LRRC2: variants seen among roughly 807,000 people sequenced by gnomAD.
LRRC2 encodes leucine-rich repeat-containing protein 2.
Under a neutral mutation model 40.2 loss-of-function variants are expected in LRRC2, and 27 were observed. The observed-to-expected ratio is 0.67, with a 90% CI of 0.49 to 0.93. The LOEUF (loss-of-function observed/expected upper bound fraction) is 0.93. Ranked by LOEUF, LRRC2 falls within the 40% of genes least tolerant of loss-of-function variation. LRRC2 has a pLI of 0.00. For synonymous variants in LRRC2, 147 were observed against 158.9 expected (o/e 0.92, Z 0.56); for missense variants, 402 against 439.6 (o/e 0.91, Z 0.76).
chr3:46,534,462 TTC>T (rs763240129), intron 4 of LRRC2, among the ~76,000 whole-genome samples: 1 of 151,128 alleles, frequency 6.6e-6, no homozygotes, highest in Non-Finnish European at 1.5e-5. Context: ...CTTTCTTTCT[TTC>T]TTTCTTTGTT....
intron 7 of LRRC2, among the ~76,000 whole-genome samples, chr3:46,525,086 C>CTTTTTT (rs11284933): frequency 8.5e-6 from 1 of 117,572 alleles, no homozygotes; most frequent in Admixed American, 9.3e-5. Flanking sequence ...CTTTTTTTTT[C>CTTTTTT]TTTTTTTTTT....
At position 46,521,675 on chromosome 3, in the gene LRRC2, G is replaced by A. The variant is rs1272821456; in HGVS notation, c.930-17C>T. ...CTTACAAATCTATTCGAGAAAGCAT[G>A]GGAAGTATCACATTATCACCTGTGC... On this transcript the variant is annotated splice_polypyrimidine_tract_variant and intron_variant, in intron 7 of 8. Transcript: ENST00000395905. The A allele has an allele frequency of 3.7e-6, 6 of 1,601,628 alleles. No homozygotes were observed. In the South Asian group the frequency reaches 6.7e-5, roughly 18 times the overall value.
Position 46,518,189 on chromosome 3 carries a change from C to T in LRRC2, c.*825G>A, listed in dbSNP as rs1435604092. 1.3e-5 allele frequency: 2 copies of T among 152,146 alleles called. No homozygotes were observed. The highest frequency in any genetic ancestry group is 6.5e-5 in the Admixed American group (1 of 15,288). 9.4% of individuals were successfully genotyped at this position (152,146 alleles called of 1,614,324 possible). On this transcript the variant is annotated 3_prime_UTR_variant, in exon 9 of 9. Coordinates refer to ENST00000395905, the MANE Select transcript of LRRC2 (RefSeq NM_024512.5). ...AGGCCTAGATTGTACCTACAAGTCT[C>T]TCCTGGGAGTCTACACTTGCCAAAA...
intron 4 of LRRC2, 27 bp from the exon 5 acceptor site, chr3:46,532,936 T>C (rs1559411477): frequency 6.2e-7 from 1 of 1,610,270 alleles, no homozygotes. Context: ...TTAACATCCA[T>C]TGAATAGGTC....
At chr3:46,549,223 G>A (rs1470225034) in intron 2 of LRRC2, among the ~76,000 whole-genome samples, 1 of 152,188 alleles carries the variant, frequency 6.6e-6, no homozygotes, top group Non-Finnish European at 1.5e-5. Context: ...TAACCAAATA[G>A]TTGCCTTTTA....
intron 1 of LRRC2, among the ~76,000 whole-genome samples, chr3:46,556,299 A>T (rs1046605127): frequency 3.3e-5 from 5 of 151,824 alleles, no homozygotes; most frequent in African/African-American, 9.7e-5. Flanking sequence ...TTTTTAAAAA[A>T]ATATTTTTGC....
chr3:46,537,458 T>A (rs1704292024), intron 4 of LRRC2, among the ~76,000 whole-genome samples: 1 of 152,188 alleles, frequency 6.6e-6, no homozygotes, highest in Non-Finnish European at 1.5e-5. Context: ...TATTTAAATA[T>A]ACCATGAGCT....
At chr3:46,550,098 G>A (rs1412948701) in intron 2 of LRRC2, among the ~76,000 whole-genome samples, 2 of 152,146 alleles carry the variant, frequency 1.3e-5, no homozygotes, top group African/African-American at 4.8e-5. Flanking sequence ...CAGATTAGTG[G>A]CAAGAGAAAA....
At chr3:46,564,419 G>T (rs1013619010) in intron 1 of LRRC2, among the ~76,000 whole-genome samples, 2 of 151,920 alleles carry the variant, frequency 1.3e-5, no homozygotes, top group African/African-American at 4.9e-5. Flanking sequence ...TATGCCAGGG[G>T]GAGGGGGGGT....
chr3:46,534,415 CCTTCCTTCCTTT>C (rs1704229796), intron 4 of LRRC2, among the ~76,000 whole-genome samples: 2 of 79,356 alleles, frequency 2.5e-5, no homozygotes, highest in South Asian at 6.1e-4. Flanking sequence ...CTTTTCTTTT[CCTTCCTTCCTTT>C]CTTTCTTTCT....
intron 1 of LRRC2, among the ~76,000 whole-genome samples, chr3:46,554,517 C>G (rs1704742875): frequency 6.6e-6 from 1 of 151,764 alleles, no homozygotes; most frequent in East Asian, 1.9e-4. Flanking sequence ...TGGTGGTGCA[C>G]ACCTGTAGTC....
chr3:46,561,143 G>C (rs1203628403), intron 1 of LRRC2, among the ~76,000 whole-genome samples: 1 of 152,052 alleles, frequency 6.6e-6, no homozygotes, highest in African/African-American at 2.4e-5. Flanking sequence ...AGAACCATCC[G>C]GAGTAGTTAG....
intron 6 of LRRC2, 123 bp downstream of exon 6, chr3:46,529,782 G>A: frequency 9.6e-7 from 1 of 1,043,954 alleles, no homozygotes; most frequent in Non-Finnish European, 1.4e-6. Flanking sequence ...TCCTGGAAAG[G>A]AAACTCTGGA....
chr3:46,530,383 C>A (rs563995449), intron 5 of LRRC2, among the ~76,000 whole-genome samples: 84 of 152,174 alleles, frequency 5.5e-4, no homozygotes, highest in Non-Finnish European at 8.4e-4. Flanking sequence ...AGTTCAAGAC[C>A]AGCCTGGACA....
intron 4 of LRRC2, among the ~76,000 whole-genome samples, chr3:46,534,803 T>C (rs1439870478): frequency 1.3e-5 from 2 of 152,134 alleles, no homozygotes; most frequent in Admixed American, 6.6e-5. Context: ...CAGCCCTCAA[T>C]AGATCTATAA....
intron 3 of LRRC2, among the ~76,000 whole-genome samples, chr3:46,543,116 T>A (rs1704432952): frequency 6.6e-6 from 1 of 152,146 alleles, no homozygotes; most frequent in East Asian, 1.9e-4. Flanking sequence ...GTAACTGAAA[T>A]TCACTCTAAA....
chr3:46,521,280 TC>T (rs1326995262), intron 8 of LRRC2, among the ~76,000 whole-genome samples: 1 of 152,210 alleles, frequency 6.6e-6, no homozygotes, highest in Non-Finnish European at 1.5e-5. Context: ...AGTGCACGTT[TC>T]CCAGCCTCTC....
intron 4 of LRRC2, among the ~76,000 whole-genome samples, chr3:46,536,009 G>A (rs1704262719): frequency 6.6e-6 from 1 of 152,188 alleles, no homozygotes; most frequent in African/African-American, 2.4e-5. Flanking sequence ...GACCCAGGCA[G>A]CCTGATCCTA....
At chr3:46,550,176 C>T (rs538813903) in intron 2 of LRRC2, among the ~76,000 whole-genome samples, 1 of 152,248 alleles carries the variant, frequency 6.6e-6, no homozygotes, top group African/African-American at 2.4e-5. Context: ...TTCCACTTAC[C>T]ATCTGTGTGA....
Sources: allele counts gnomAD v4.1 joint callset (sites outside exome capture counted in the v4.1 genomes callset), GRCh38; gene constraint gnomAD v4.1.1; transcripts MANE v1.5; gene names NCBI Gene and HGNC (gene_info 2026-07-23, HGNC 2026-07-21).